The following WDR90 variants were observed in gnomAD, a reference collection of about 807,000 sequenced individuals.
WDR90 encodes WD repeat domain 90.
A neutral mutation model predicts 195.2 loss-of-function variants in WDR90; 238 were observed. That is an observed-to-expected ratio of 1.22 (90% CI 1.10 to 1.36). The LOEUF is 1.36. Ranked by LOEUF, WDR90 falls within the 40% of genes most tolerant of loss-of-function variation. WDR90 has a pLI of 0.00. For synonymous variants in WDR90, 1,265 were observed against 1,052.4 expected, an observed-to-expected ratio of 1.20 and a Z score of -3.91; for missense variants, 2,734 against 2,439.5, an observed-to-expected ratio of 1.12 and a Z score of -2.54.
At chr16:663,056 G>T in intron 34 of WDR90, 1 of 735,112 alleles carries the variant, frequency 1.4e-6, no homozygotes, top group Non-Finnish European at 2.4e-6. Flanking sequence ...CGCCTGGCAG[G>T]CCTTGCAGGT....
rs768478409 is a variant in WDR90 at position 661,337 on chromosome 16, G to T, written c.3514-5G>T. The T allele has an allele frequency of 6.3e-7, 1 of 1,590,636 alleles. No homozygotes were observed. Among genetic ancestry groups the T allele is most frequent in the Non-Finnish European group, 8.6e-7 (1 of 1,168,514 alleles). ...CCCACTCACGCCTGGCCTCTTGCCT[G>T]CCAGGTCCTGGCCTCTGCCTCGGGC... is the stretch of plus-strand genomic sequence containing the variant. On this transcript the variant is annotated splice_region_variant and splice_polypyrimidine_tract_variant and intron_variant, in intron 29 of 40. Coordinates refer to ENST00000293879, the MANE Select transcript of WDR90 (RefSeq NM_145294.5).
At position 655,410 on chromosome 16, in the gene WDR90, A is replaced by G. The variant is rs531905640; in HGVS notation, c.1660A>G (p.Thr554Ala). 1.0e-5 allele frequency: 16 copies of G among 1,589,894 alleles called. No individual in the cohort carries two copies. In the African/African-American group the frequency reaches 1.6e-4, roughly 16 times the overall value. ...DLGEHHALQF[T>A]DLAFKQARDG... ...AGGGGAGCACCACGCGCTGCAGTTC[A>G]CCGACCTGGCCTTCAAGCAGGCCCG... Residue 554 changes from threonine (T) to alanine (A), a missense_variant, in exon 15 of 41, where the codon ACC (threonine) becomes GCC (alanine). Coordinates refer to ENST00000293879, the MANE Select transcript of WDR90 (RefSeq NM_145294.5).
Position 666,470 on chromosome 16 carries a change from G to A in WDR90, c.4756G>A (p.Val1586Met), listed in dbSNP as rs746128115. The change falls in exon 38 of 41, where the codon GTG becomes ATG. Residue 1586 changes from valine to methionine, a missense_variant. Transcript: ENST00000293879. ...VTCKECEDLG[V>M]EGTDLWLAAS... is the part of the protein sequence containing the mutation. ...CCATTCCCAGTGTGAAGACTTAGGG[G>A]TGGAGGGCACAGACCTATGGCTGGC... 4.3e-5 allele frequency: 69 copies of A among 1,612,272 alleles called. No homozygotes were observed. Among genetic ancestry groups the A allele is most frequent in the Non-Finnish European group, 5.3e-5 (62 of 1,179,758 alleles).
At position 655,754 on chromosome 16, in the gene WDR90, G is replaced by A; in HGVS notation, c.1850-19G>A. 1 of 1,582,218 alleles carries A rather than the reference G, an allele frequency of 6.3e-7. No individual in the cohort carries two copies. ...AGGGTGGCAGGGACACCGAGGCACT[G>A]ACGCCTCCCTGCCCCCAGGCCCCGG... On this transcript the variant is annotated intron_variant, in intron 16 of 40. Coordinates refer to ENST00000293879, the MANE Select transcript of WDR90 (RefSeq NM_145294.5).
In WDR90 at chr16:650,377, G is replaced by T. The variant is rs2037619905; in HGVS notation, c.388+15G>T. On this transcript the variant is annotated intron_variant, in intron 4 of 40. Transcript: ENST00000293879. ...ACCTCAGAGAGGTGACACCAAGATG[G>T]GGTGTGGATGATCCAGGACAGGTGG... The T allele has an allele frequency of 6.2e-7, 1 of 1,609,190 alleles. No individual in the cohort carries two copies. Among genetic ancestry groups the T allele is most frequent in the Non-Finnish European group, 8.5e-7 (1 of 1,176,800 alleles).
In WDR90 at chr16:657,472, G is replaced by T. The variant is rs995694915; in HGVS notation, c.2473+251G>T. 5 of 722,314 alleles carry T rather than the reference G, an allele frequency of 6.9e-6. No homozygotes were observed. In the African/African-American group the frequency reaches 9.0e-5, roughly 13 times the overall value. The allele number at this position is 722,314 out of a possible 1,614,324, so 44.7% of individuals were successfully genotyped here. The stretch of plus-strand genomic sequence containing the variant: ...GGCAGGCAGCCCAAGCTCCAGGTCA[G>T]CAGCTGGAGTCAGACCCAGGCATGG... On this transcript the variant is annotated intron_variant, in intron 20 of 40. Coordinates refer to ENST00000293879, the MANE Select transcript of WDR90 (RefSeq NM_145294.5).
At chr16:666,158 C>A (rs1446236631) in intron 36 of WDR90, 34 bp downstream of exon 36, 18 of 1,606,656 alleles carry the variant, frequency 1.1e-5, no homozygotes, top group Non-Finnish European at 1.5e-5. Flanking sequence ...ATGGTGCCGT[C>A]CTGACCTGGC....
Position 666,671 on chromosome 16 carries a change from A to C in WDR90, c.4885-2A>C. On this transcript the variant is annotated splice_acceptor_variant, in intron 38 of 40. Coordinates refer to ENST00000293879, the MANE Select transcript of WDR90 (RefSeq NM_145294.5). LOFTEE classifies it high-confidence loss of function. The stretch of plus-strand genomic sequence containing the variant: ...CCACCGCAGCATGCTGCGCCTTTGC[A>C]GACTCAGGGCCACCTGCCACCCTCC... 6.2e-7 allele frequency: 1 copy of C among 1,612,502 alleles called. No homozygotes were observed. The highest frequency in any genetic ancestry group is 8.5e-7 in the Non-Finnish European group (1 of 1,179,840).
At position 650,046 on chromosome 16, in the gene WDR90, A is replaced by G. The variant is rs200123173; in HGVS notation, c.158A>G (p.Asn53Ser). 1.7e-5 allele frequency: 27 copies of G among 1,612,904 alleles called. No individual in the cohort carries two copies. The highest frequency in any genetic ancestry group is 1.7e-4 in the Middle Eastern group (1 of 6,060). ...YRIRGSVSAA[N>S]YIQLPKSSTQ... Reference sequence around the variant, plus strand: ...ATTCGGGGCTCAGTCTCTGCCGCCAACTACATCCAGCTCCCTAAGAGCAGC... The same window carrying G: ...ATTCGGGGCTCAGTCTCTGCCGCCAGCTACATCCAGCTCCCTAAGAGCAGC... The change falls in exon 3 of 41, where the codon AAC becomes AGC. Residue 53 changes from asparagine (N) to serine (S), a missense_variant. Coordinates refer to ENST00000293879, the MANE Select transcript of WDR90 (RefSeq NM_145294.5).
At position 666,193 on chromosome 16, in the gene WDR90, G is replaced by T. The variant is rs776242207; in HGVS notation, c.4610-27G>T. On this transcript the variant is annotated intron_variant, in intron 36 of 40. Coordinates refer to ENST00000293879, the MANE Select transcript of WDR90 (RefSeq NM_145294.5). ...CCCAGGTCCAGTCTCCGGGCTGGGG[G>T]CTCACAGGGTGACGGCATGGTCCCA... is the stretch of plus-strand genomic sequence containing the variant. 3.7e-6 allele frequency: 6 copies of T among 1,607,376 alleles called. No individual in the cohort carries two copies. The Admixed American group carries it at 6.7e-5, about 18-fold the overall frequency.
At chr16:655,920 G>C (rs9930754) in intron 17 of WDR90, 31 bp downstream of exon 17, 417,113 of 1,563,670 alleles carry the variant, frequency 0.27, 62,733 homozygotes, top group East Asian at 0.67. Flanking sequence ...TCCCAACTCC[G>C]GGAGAGCCTC....
rs2037600602 is a variant in WDR90, at chr16:649,745, G to A, written c.11-18G>A. The A allele has an allele frequency of 6.5e-7, 1 of 1,546,966 alleles. No homozygotes were observed. Among genetic ancestry groups the A allele is most frequent in the African/African-American group, 1.4e-5 (1 of 72,752 alleles). On this transcript the variant is annotated intron_variant, in intron 1 of 40. Coordinates refer to ENST00000293879, the MANE Select transcript of WDR90 (RefSeq NM_145294.5). ...CGCGTGGCCGAGTCCCCTGACGCCC[G>A]GCGCCCGCTCCCCGCAGCGTGGCAG...
intron 32 of WDR90, 61 bp downstream of exon 32, chr16:662,120 G>A: frequency 6.4e-7 from 1 of 1,565,070 alleles, no homozygotes; most frequent in Non-Finnish European, 8.6e-7. Flanking sequence ...CTCAGAGCTG[G>A]GGCAGAGGCC....
chr16:649,616 G>A (rs1446928703), intron 1 of WDR90, 147 bp from the exon 2 acceptor site: 135 of 1,145,010 alleles, frequency 1.2e-4, no homozygotes, highest in Non-Finnish European at 1.5e-4. Context: ...GCCCGGCCTC[G>A]TCCCGCCAGC....
At chr16:649,448 T>C (rs1172659399) in intron 1 of WDR90, 22 bp downstream of exon 1, 7 of 1,294,950 alleles carry the variant, frequency 5.4e-6, no homozygotes, top group African/African-American at 1.6e-5. Context: ...CTGGCGGGGG[T>C]CCCGAGGATC....
chr16:659,366 A>G lies in WDR90; in HGVS notation c.3174A>G (p.Glu1058=), dbSNP rs750641369. ...TGGGCGTCTGTGCCAGGCCTCCCGA[A>G]GGTGGCGATGGTGAGCAGCAGGGGT... ...PRLGVCARPP[E]GGDGARDTRN... The change falls in exon 26 of 41, where the codon GAA becomes GAG. Residue 1058 remains glutamate (E), a synonymous_variant. Coordinates refer to ENST00000293879, the MANE Select transcript of WDR90 (RefSeq NM_145294.5). 5 of 1,592,628 alleles carry G rather than the reference A, an allele frequency of 3.1e-6. No individual in the cohort carries two copies. In the Admixed American group the frequency reaches 8.9e-5, roughly 28 times the overall value.
chr16:651,138 G>T (rs547769116), intron 6 of WDR90, 35 bp downstream of exon 6: 14 of 1,611,554 alleles, frequency 8.7e-6, no homozygotes, highest in Middle Eastern at 1.6e-4. Flanking sequence ...GGAGGCCTCG[G>T]TGGTGGGAGG....
intron 34 of WDR90, chr16:663,100 G>A: frequency 1.6e-6 from 1 of 638,364 alleles, no homozygotes; most frequent in Non-Finnish European, 2.9e-6. Context: ...CTATTGCTTT[G>A]CGTTTTTTTG....
At chr16:649,227 A>G, upstream of WDR90, 5 of 570,490 alleles carry the variant, frequency 8.8e-6, no homozygotes, top group Non-Finnish European at 1.3e-5. Context: ...TCGCGGCTGG[A>G]GCAACCCTGG....
Sources: allele counts gnomAD v4.1 joint callset, GRCh38; gene constraint gnomAD v4.1.1; transcripts MANE v1.5; gene names NCBI Gene and HGNC (gene_info 2026-07-23, HGNC 2026-07-21).